The following CTSH variants were observed in gnomAD, a reference collection of about 807,000 sequenced individuals.
CTSH encodes the protein pro-cathepsin H.
In CTSH, 52 loss-of-function variants were observed where a neutral mutation model predicts 56.3. The ratio of observed to expected loss-of-function variants is 0.92; its 90% CI spans 0.74 to 1.16. CTSH has a LOEUF of 1.16. Among genes scored for constraint, CTSH ranks in the 50% most tolerant of loss-of-function variants. CTSH has a pLI of 0.00. For synonymous variants in CTSH, 174 were observed against 155.7 expected (o/e 1.12, Z -0.88); for missense variants, 406 against 424.5 (o/e 0.96, Z 0.38).
intron 7 of CTSH, among the ~76,000 whole-genome samples, chr15:78,931,002 A>G (rs1276308412): frequency 6.6e-6 from 1 of 152,220 alleles, no homozygotes; most frequent in African/African-American, 2.4e-5. Context: ...GGCAAGGTAC[A>G]GCCCTTACAC....
chr15:78,922,456 C>T (rs553797873), intron 11 of CTSH, among the ~76,000 whole-genome samples: 2 of 152,184 alleles, frequency 1.3e-5, no homozygotes, highest in Non-Finnish European at 2.9e-5. Flanking sequence ...TTACCGAGGG[C>T]CCCCTCTTAG....
chr15:78,937,741 G>C (rs1392105560), intron 2 of CTSH: 3 of 1,335,778 alleles, frequency 2.2e-6, no homozygotes, highest in Non-Finnish European at 2.9e-6. Context: ...CAAGTTTACA[G>C]CAAAGATCAC....
At chr15:78,931,537 C>G in intron 6 of CTSH, 31 bp from the exon 7 acceptor site, 6 of 1,614,196 alleles carry the variant, frequency 3.7e-6, no homozygotes, top group Non-Finnish European at 5.1e-6. Context: ...AGTGACCTGC[C>G]AGCTGAGAAG....
intron 7 of CTSH, among the ~76,000 whole-genome samples, chr15:78,929,899 A>G (rs1327627744): frequency 2.0e-5 from 3 of 152,296 alleles, no homozygotes; most frequent in African/African-American, 7.2e-5. Flanking sequence ...GGCTGAGGCA[A>G]AGAGGCTGAA....
At chr15:78,923,536 A>G (rs1455873072) in intron 10 of CTSH, among the ~76,000 whole-genome samples, 1 of 152,078 alleles carries the variant, frequency 6.6e-6, no homozygotes, top group Non-Finnish European at 1.5e-5. Context: ...TGATCCACCC[A>G]CCTCGGCCTC....
At position 78,925,365 on chromosome 15, in the gene CTSH, A is replaced by G. The variant is rs771781236; in HGVS notation, c.775T>C (p.Phe259Leu). Residue 259 changes from phenylalanine to leucine, a missense_variant, in exon 10 of 12, where the codon TTC (phenylalanine) becomes CTC (leucine). Physicochemically the swap from Phe to Leu is conservative, Grantham distance 22. Coordinates refer to ENST00000220166, the MANE Select transcript of CTSH (RefSeq NM_004390.5). ...TAGATGCCGGTTCTATACATCATGAAGTCCTGAGTCACCTCAAAGGCAAAG... is the reference window on the plus strand; with the variant it reads ...TAGATGCCGGTTCTATACATCATGAGGTCCTGAGTCACCTCAAAGGCAAAG... Reference protein sequence around the residue: ...VSFAFEVTQDFMMYRTGIYSS... With the variant: ...VSFAFEVTQDLMMYRTGIYSS... 3.3e-5 allele frequency: 54 copies of G among 1,613,406 alleles called. No homozygotes were observed. The Admixed American group carries it at 8.5e-4, about 25-fold the overall frequency.
chr15:78,943,884 T>C (rs547593403), intron 1 of CTSH, among the ~76,000 whole-genome samples: 201 of 152,358 alleles, frequency 1.3e-3, no homozygotes, highest in African/African-American at 4.7e-3. Context: ...AGGTTTTCCT[T>C]AGGCGGGAAC....
At position 78,942,502 on chromosome 15, in the gene CTSH, C is replaced by A. The variant is rs927158365; in HGVS notation, c.91+2389G>T. On this transcript the variant is annotated intron_variant, in intron 1 of 11. Coordinates refer to ENST00000220166, the MANE Select transcript of CTSH (RefSeq NM_004390.5). ...TGCTGGGATCACAGGCGTGAGCCCC[C>A]ACGCCTGGCCTCACTCAACATTATT... is the stretch of plus-strand genomic sequence containing the variant. Among the ~76,000 whole-genome samples, 10 of 152,326 alleles carry A rather than the reference C, an allele frequency of 6.6e-5. No individual in the cohort carries two copies. The South Asian group carries it at 2.1e-3, about 32-fold the overall frequency.
chr15:78,939,158 G>C lies in CTSH; in HGVS notation c.105C>G (p.Phe35Leu). The change falls in exon 2 of 12, where the codon TTC becomes TTG. Residue 35 changes from phenylalanine to leucine, a missense_variant. By Grantham distance (22) the Phe-to-Leu change is conservative (BLOSUM62 0). Coordinates refer to ENST00000220166, the MANE Select transcript of CTSH (RefSeq NM_004390.5). ...CACTGACCTTAGACATCCATGACTT[G>C]AAGTGAAACTTCTCTGTAAAAAGAA... is the stretch of plus-strand genomic sequence containing the variant. The part of the protein sequence containing the change: ...LCVNSLEKFH[F>L]KSWMSKHRKT... 6.3e-7 allele frequency: 1 copy of C among 1,592,972 alleles called. No homozygotes were observed. Among genetic ancestry groups the C allele is most frequent in the Non-Finnish European group, 8.5e-7 (1 of 1,172,296 alleles).
intron 3 of CTSH, 65 bp downstream of exon 3, chr15:78,937,253 G>T: frequency 1.5e-6 from 2 of 1,354,194 alleles, no homozygotes; most frequent in Non-Finnish European, 2.1e-6. Flanking sequence ...CCCCCAGCGG[G>T]CCCTTTCATG....
intron 10 of CTSH, among the ~76,000 whole-genome samples, chr15:78,924,518 G>A (rs1372925269): frequency 6.6e-6 from 1 of 152,044 alleles, no homozygotes; most frequent in Non-Finnish European, 1.5e-5. Flanking sequence ...GGAGGGAAAT[G>A]AGGCTGCAAA....
At chr15:78,927,384 C>T (rs959176433) in intron 9 of CTSH, 16 of 371,870 alleles carry the variant, frequency 4.3e-5, no homozygotes, top group African/African-American at 2.9e-4. Flanking sequence ...CAGTTTCACA[C>T]ACGCTGTGTC....
intron 5 of CTSH, among the ~76,000 whole-genome samples, chr15:78,933,022 A>G (rs2055098029): frequency 6.6e-6 from 1 of 152,124 alleles, no homozygotes; most frequent in South Asian, 2.1e-4. Flanking sequence ...AGGCTCAGAC[A>G]TCCAACTAAC....
rs13345 is a variant in CTSH at position 78,932,405 on chromosome 15, C to T, written c.459G>A (p.Ala153=). 324,792 of 1,613,418 alleles carry T rather than the reference C, an allele frequency of 0.2. 36,517 individuals carry two copies. The highest frequency in any genetic ancestry group is 0.45 in the African/African-American group (33,809 of 74,902). Residue 153 remains alanine, a synonymous_variant, in exon 6 of 12, where the codon GCG becomes GCA. Coordinates refer to ENST00000220166, the MANE Select transcript of CTSH (RefSeq NM_004390.5). ...GCATCTTTCCGGTTGCGATGGCGAT[C>T]GCAGACTCCAGGGCCCCAGTGGTGG... ...TFSTTGALES[A]IAIATGKMLS...
intron 7 of CTSH, among the ~76,000 whole-genome samples, chr15:78,930,739 C>G (rs1221847990): frequency 6.6e-6 from 1 of 152,012 alleles, no homozygotes; most frequent in Non-Finnish European, 1.5e-5. Flanking sequence ...GACTTGGCTG[C>G]AGCACGGCTC....
At position 78,922,892 on chromosome 15, in the gene CTSH, C is replaced by A. The variant is rs1041603436; in HGVS notation, c.932+101G>T. 14 of 1,422,778 alleles carry A rather than the reference C, an allele frequency of 9.8e-6. No homozygotes were observed. The South Asian group carries it at 2.0e-4, about 20-fold the overall frequency. The allele number at this position is 1,422,778 out of a possible 1,614,324, so 88.1% of individuals were successfully genotyped here. A position where few individuals can be genotyped will look rare whatever the true frequency, so the allele number is the denominator to read the frequency against. On this transcript the variant is annotated intron_variant, in intron 11 of 11. Coordinates refer to ENST00000220166, the MANE Select transcript of CTSH (RefSeq NM_004390.5). ...TGGCCTAGGGCTTGGCTGACCAGCT[C>A]GTCTGTGGAAGCCGTAACTCTGAGG...
At chr15:78,944,231 A>G (rs2055347923) in intron 1 of CTSH, among the ~76,000 whole-genome samples, 2 of 152,214 alleles carry the variant, frequency 1.3e-5, no homozygotes, top group Non-Finnish European at 2.9e-5. Flanking sequence ...CCTTGCCTTC[A>G]GCCAGGGGAG....
chr15:78,935,939 A>G (rs984754665), intron 3 of CTSH, among the ~76,000 whole-genome samples, 189 bp from the exon 4 acceptor site: 6 of 152,160 alleles, frequency 3.9e-5, no homozygotes, highest in Admixed American at 3.3e-4. Flanking sequence ...TGCTGCCAAA[A>G]TACCTGGGGA....
chr15:78,933,832 C>T (rs921553882), intron 5 of CTSH, among the ~76,000 whole-genome samples: 3 of 152,220 alleles, frequency 2.0e-5, no homozygotes, highest in Admixed American at 1.3e-4. Flanking sequence ...GGCTGCTGTC[C>T]GTCTCTATCC....
Sources: allele counts gnomAD v4.1 joint callset (sites outside exome capture counted in the v4.1 genomes callset), GRCh38; gene constraint gnomAD v4.1.1; transcripts MANE v1.5; gene names NCBI Gene and HGNC (gene_info 2026-07-23, HGNC 2026-07-21).